Variants in ERBB4 observed in about 807,000 individuals in gnomAD.
ERBB4 encodes the protein receptor tyrosine-protein kinase erbB-4.
ERBB4 carries 42 observed loss-of-function variants against 158.0 expected under a neutral mutation model. The observed-to-expected ratio is 0.27, with a 90% confidence interval of 0.21 to 0.34. The LOEUF (loss-of-function observed/expected upper bound fraction) is 0.34. Among genes scored for constraint, ERBB4 ranks in the 10% least tolerant of loss-of-function variants. The pLI is 1.00. For missense variants in ERBB4, 1,333 were observed against 1,624.1 expected (o/e 0.82, Z 3.08); for synonymous variants, 583 against 558.7 (o/e 1.04, Z -0.61).
intron 19 of ERBB4, among the ~76,000 whole-genome samples, chr2:211,616,402 G>A (rs1227197366): frequency 1.3e-5 from 2 of 152,034 alleles, no homozygotes; most frequent in African/African-American, 4.8e-5. Flanking sequence ...GGTAGCTTCT[G>A]CATCTGTAAG....
intron 1 of ERBB4, among the ~76,000 whole-genome samples, chr2:212,257,887 T>G (rs1203075795): frequency 6.6e-6 from 1 of 152,146 alleles, no homozygotes; most frequent in Non-Finnish European, 1.5e-5. Context: ...GTTAAGTGAC[T>G]GTGATTGTCA....
intron 1 of ERBB4, among the ~76,000 whole-genome samples, chr2:212,247,410 A>G (rs1343259049): frequency 6.6e-6 from 1 of 152,168 alleles, no homozygotes; most frequent in Admixed American, 6.5e-5. Context: ...AACTATTTCT[A>G]AAGTTTTCCC....
At chr2:211,736,934 ATC>A (rs1395643993) in intron 5 of ERBB4, among the ~76,000 whole-genome samples, 2 of 152,162 alleles carry the variant, frequency 1.3e-5, no homozygotes, top group Non-Finnish European at 2.9e-5. Flanking sequence ...AAAAATTATA[ATC>A]TCTCTGCTCA....
intron 9 of ERBB4, 46 bp from the exon 10 acceptor site, chr2:211,705,437 G>A: frequency 8.2e-7 from 1 of 1,213,216 alleles, no homozygotes; most frequent in Admixed American, 1.7e-5. Context: ...TTTTACTAAA[G>A]GATTGAAAAT....
chr2:211,946,576 C>CTCTTTTTTTTT (rs1469968699), intron 3 of ERBB4, among the ~76,000 whole-genome samples: 1 of 49,586 alleles, frequency 2.0e-5, no homozygotes, highest in East Asian at 7.6e-4. Flanking sequence ...AATTAGCTCT[C>CTCTTTTTTTTT]TTTTTTTTTT....
At chr2:211,970,332 A>G (rs1390991991) in intron 2 of ERBB4, among the ~76,000 whole-genome samples, 1 of 152,194 alleles carries the variant, frequency 6.6e-6, no homozygotes, top group African/African-American at 2.4e-5. Context: ...AGTAATTGCC[A>G]TGTGGCAATG....
intron 13 of ERBB4, among the ~76,000 whole-genome samples, chr2:211,676,739 GC>G (rs2072090021): frequency 6.6e-6 from 1 of 152,020 alleles, no homozygotes; most frequent in African/African-American, 2.4e-5. Flanking sequence ...CTTTAGTATT[GC>G]ACATATATAT....
chr2:211,588,896 G>T (rs1185785964), intron 19 of ERBB4, among the ~76,000 whole-genome samples: 2 of 152,254 alleles, frequency 1.3e-5, no homozygotes, highest in East Asian at 3.9e-4. Context: ...TCCTTCTGCA[G>T]TACTTAATCT....
At chr2:212,144,241 T>G (rs2080587881) in intron 1 of ERBB4, among the ~76,000 whole-genome samples, 1 of 152,152 alleles carries the variant, frequency 6.6e-6, no homozygotes, top group Non-Finnish European at 1.5e-5. Flanking sequence ...CGTATGACCC[T>G]CTTTGGCAAT....
chr2:211,409,819 G>C (rs924563719), intron 25 of ERBB4, among the ~76,000 whole-genome samples: 7 of 152,120 alleles, frequency 4.6e-5, no homozygotes, highest in African/African-American at 1.7e-4. Flanking sequence ...CAAGGACACT[G>C]GGCTACAGGT....
intron 2 of ERBB4, among the ~76,000 whole-genome samples, chr2:211,996,234 A>T (rs912597786): frequency 6.6e-6 from 1 of 152,058 alleles, no homozygotes; most frequent in South Asian, 2.1e-4. Context: ...GCAAGACTCC[A>T]TATCTTTTCA....
chr2:211,919,309 C>A (rs2079795041), intron 3 of ERBB4, among the ~76,000 whole-genome samples: 1 of 152,000 alleles, frequency 6.6e-6, no homozygotes, highest in South Asian at 2.1e-4. Context: ...AAGTGTTCTT[C>A]CATGCAGACA....
intron 2 of ERBB4, among the ~76,000 whole-genome samples, chr2:212,103,507 T>C (rs1011612440): frequency 6.6e-6 from 1 of 152,136 alleles, no homozygotes; most frequent in Non-Finnish European, 1.5e-5. Context: ...TTTCTGGTAC[T>C]AAATCTTCCA....
In ERBB4 at chr2:211,788,154, G is replaced by T. The variant is rs1375692246; in HGVS notation, c.427C>A (p.Leu143Ile). The change falls in exon 4 of 28, where the codon CTA (leucine) becomes ATA (isoleucine). Residue 143 changes from leucine (L) to isoleucine (I), a missense_variant. Physicochemically the swap from Leu to Ile is conservative, Grantham distance 5. This residue lies in a region of ERBB4 where 438 missense variants were observed against 586.9 expected (regional missense o/e 0.75). Coordinates refer to ENST00000342788, the MANE Select transcript of ERBB4 (RefSeq NM_005235.3). The part of the protein sequence containing the change: ...ELGLKNLTEI[L>I]NGGVYVDQNK... ...TGGTCTACATAGACTCCACCATTTA[G>T]GATTTCTGTATTAAAAAACAAATAA... 1 of 1,611,342 alleles carries T rather than the reference G, an allele frequency of 6.2e-7. No individual in the cohort carries two copies. The highest frequency in any genetic ancestry group is 1.1e-5 in the South Asian group (1 of 90,890).
chr2:211,830,655 T>C (rs1439241), intron 3 of ERBB4, among the ~76,000 whole-genome samples: 35,253 of 151,874 alleles, frequency 0.23, 4,236 homozygotes, highest in South Asian at 0.33. Flanking sequence ...AAACAAAATA[T>C]CAAAATTTGT....
intron 1 of ERBB4, among the ~76,000 whole-genome samples, chr2:212,489,795 C>T (rs1176204815): frequency 2.0e-5 from 3 of 151,516 alleles, no homozygotes; most frequent in African/African-American, 7.3e-5. Context: ...TTCACATTCT[C>T]AAGTGTAAAT....
In ERBB4 at chr2:212,327,117, G is replaced by A. The variant is rs941153121; in HGVS notation, c.83-202214C>T. Among the ~76,000 whole-genome samples the A allele has an allele frequency of 2.0e-5, 3 of 150,468 alleles. 1 individual carries two copies. Among genetic ancestry groups the A allele is most frequent in the Admixed American group, 6.6e-5 (1 of 15,064 alleles). On this transcript the variant is annotated intron_variant, in intron 1 of 27. Coordinates refer to ENST00000342788, the MANE Select transcript of ERBB4 (RefSeq NM_005235.3). The stretch of plus-strand genomic sequence containing the variant: ...ACCTGCTTCATGAAGTTTTTGAGAC[G>A]ATTAAATGAGTTCATACGTGTGAAG...
Position 212,020,865 on chromosome 2 carries a change from T to C in ERBB4, c.235-73249A>G, listed in dbSNP as rs140101447. 2.7e-3 allele frequency among the ~76,000 whole-genome samples: 408 copies of C among 152,262 alleles called. 4 individuals are homozygous for C. The highest frequency in any genetic ancestry group is 9.4e-3 in the African/African-American group (389 of 41,586). The stretch of plus-strand genomic sequence containing the variant: ...TAGGTAATTTTCAGGAATTATTCTA[T>C]GTCACTTATTACTAAACAGGTTTTT... On this transcript the variant is annotated intron_variant, in intron 2 of 27. Transcript: ENST00000342788.
chr2:211,877,513 T>C (rs1026982186), intron 3 of ERBB4, among the ~76,000 whole-genome samples: 6 of 152,154 alleles, frequency 3.9e-5, no homozygotes, highest in Non-Finnish European at 8.8e-5. Context: ...AAGCATACTT[T>C]CGGGGTTTTT....
Sources: gnomAD v4.1 joint callset for allele counts (sites outside exome capture counted in the v4.1 genomes callset) on GRCh38, gnomAD v4.1.1 for gene constraint, gnomAD v4.1.1 regional missense constraint, MANE v1.5 for transcripts, NCBI Gene and HGNC (gene_info 2026-07-23, HGNC 2026-07-21) for gene names.